The following CAMTA1 variants were observed in gnomAD, a reference collection of about 807,000 sequenced individuals.
The protein encoded by CAMTA1 is calmodulin-binding transcription activator 1.
Under a neutral mutation model 170.9 loss-of-function variants are expected in CAMTA1, and 27 were observed. The ratio of observed to expected loss-of-function variants is 0.16; its 90% CI spans 0.12 to 0.22. The LOEUF is 0.22. Among genes scored for constraint, CAMTA1 ranks in the 10% least tolerant of loss-of-function variants. The pLI, the probability that CAMTA1 is intolerant of heterozygous loss-of-function variation, is 1.00. For missense variants in CAMTA1, 1,619 were observed against 2,217.2 expected (o/e 0.73, Z 5.42); for synonymous variants, 833 against 891.5 (o/e 0.93, Z 1.17).
intron 5 of CAMTA1, among the ~76,000 whole-genome samples, chr1:7,310,683 TCTCTCTCTCTCTC>T (rs1676501070): frequency 4.9e-5 from 2 of 41,064 alleles, no homozygotes; most frequent in Non-Finnish European, 4.4e-5. Context: ...TTTCTTTCTC[TCTCTCTCTCTCTC>T]TCTCTCTTTC....
intron 6 of CAMTA1, among the ~76,000 whole-genome samples, chr1:7,544,257 T>G (rs2094656931): frequency 6.6e-6 from 1 of 152,058 alleles, no homozygotes; most frequent in Admixed American, 6.5e-5. Flanking sequence ...GATAAACCTA[T>G]CAGATTTCAT....
intron 3 of CAMTA1, among the ~76,000 whole-genome samples, chr1:6,933,071 T>C (rs1257179696): frequency 2.7e-5 from 4 of 147,870 alleles, no homozygotes; most frequent in African/African-American, 1.0e-4. Context: ...AATCATCATC[T>C]TTTTTTTTTA....
In CAMTA1 at chr1:7,732,016, C is replaced by CTTTTTT. The variant is rs77932760; in HGVS notation, c.2915-424_2915-419dup. On this transcript the variant is annotated intron_variant, in intron 11 of 22. Coordinates refer to ENST00000303635, the MANE Select transcript of CAMTA1 (RefSeq NM_015215.4). The surrounding 1 kb of genome is among the most constrained non-coding windows in gnomAD (Gnocchi z 4.1). Reference sequence around the variant, plus strand: ...AGTGTTTTGGTAAAAGATATACTACCTTTTTTTTTTTTTGTCTAACATACC... The same window carrying CTTTTTT: ...AGTGTTTTGGTAAAAGATATACTACCTTTTTTTTTTTTTTTTTTTGTCTAACATACC... Among the ~76,000 whole-genome samples the CTTTTTT allele has an allele frequency of 7.0e-6, 1 of 143,326 alleles. No homozygotes were observed. The highest frequency in any genetic ancestry group is 1.5e-5 in the Non-Finnish European group (1 of 65,740). The allele number at this position is 143,326 out of a possible 152,430, so 94.0% of individuals were successfully genotyped here.
At chr1:7,243,402 G>T (rs1039213275) in intron 4 of CAMTA1, among the ~76,000 whole-genome samples, 10 of 152,146 alleles carry the variant, frequency 6.6e-5, no homozygotes, top group African/African-American at 2.2e-4. Flanking sequence ...ATTAATTTTT[G>T]TATAAGGTGT....
intron 5 of CAMTA1, among the ~76,000 whole-genome samples, chr1:7,407,416 C>G (rs926207801): frequency 6.6e-6 from 1 of 152,196 alleles, no homozygotes; most frequent in African/African-American, 2.4e-5. Context: ...GGGCCCTGCT[C>G]TGTGGGGCCC....
chr1:7,170,060 ATTC>A (rs1649285903), intron 4 of CAMTA1, among the ~76,000 whole-genome samples: 1 of 152,072 alleles, frequency 6.6e-6, no homozygotes, highest in Non-Finnish European at 1.5e-5. Flanking sequence ...CCTACTTTCT[ATTC>A]TTTGAATTTA....
intron 11 of CAMTA1, among the ~76,000 whole-genome samples, chr1:7,713,278 A>G (rs546333566): frequency 6.6e-6 from 1 of 152,202 alleles, no homozygotes; most frequent in Non-Finnish European, 1.5e-5. Flanking sequence ...AGGATGGAGT[A>G]GCACCTGAGC....
At chr1:7,542,838 AGTGTGTGT>A (rs373719721) in intron 6 of CAMTA1, among the ~76,000 whole-genome samples, 58 of 56,018 alleles carry the variant, frequency 1.0e-3, no homozygotes, top group East Asian at 3.1e-3. Context: ...CCTAAAACAC[AGTGTGTGT>A]GTGTGTGTGT....
rs147906131 is a variant in CAMTA1, at chr1:6,826,459, A to G, written c.234+1249A>G. 4.5e-3 allele frequency among the ~76,000 whole-genome samples: 687 copies of G among 152,368 alleles called. 8 individuals are homozygous for G. The highest frequency in any genetic ancestry group is 0.016 in the African/African-American group (668 of 41,580). ...TGAAAATGAAGTAGATATGCTTAAA[A>G]TTAGTCTTAATCATAGTTTGTTACT... On this transcript the variant is annotated intron_variant, in intron 3 of 22. Transcript: ENST00000303635.
chr1:7,763,073 C>T (rs1331612999), intron 22 of CAMTA1, among the ~76,000 whole-genome samples: 1 of 152,112 alleles, frequency 6.6e-6, no homozygotes, highest in Non-Finnish European at 1.5e-5. Context: ...GACTCAATTC[C>T]CTGTTCTGCC....
chr1:7,133,189 A>G (rs1475402883), intron 4 of CAMTA1, among the ~76,000 whole-genome samples: 1 of 152,186 alleles, frequency 6.6e-6, no homozygotes, highest in African/African-American at 2.4e-5. Flanking sequence ...GGTAGCATTC[A>G]TCAGTGAAAT....
At chr1:7,505,344 G>A (rs2094085973) in intron 6 of CAMTA1, among the ~76,000 whole-genome samples, 1 of 152,178 alleles carries the variant, frequency 6.6e-6, no homozygotes, top group African/African-American at 2.4e-5. Flanking sequence ...CGGTCACTGA[G>A]TTTAGGGCCT....
intron 4 of CAMTA1, among the ~76,000 whole-genome samples, chr1:7,214,863 T>C (rs905841629): frequency 3.6e-5 from 3 of 82,308 alleles, no homozygotes; most frequent in Non-Finnish European, 7.1e-5. Flanking sequence ...TTCTTTCTTT[T>C]TTTTTTTTTT....
chr1:7,647,866 T>C (rs1331603500), intron 7 of CAMTA1, among the ~76,000 whole-genome samples: 1 of 152,178 alleles, frequency 6.6e-6, no homozygotes, highest in Non-Finnish European at 1.5e-5. Flanking sequence ...GGAGGGTTAC[T>C]TGAGCCCAGG....
chr1:7,368,444 G>A lies in CAMTA1; in HGVS notation c.439-99386G>A, dbSNP rs2086188125. ...GGCACTGGGCACTCATGGTTTCATT[G>A]GGCGCAGGCACTGGGCACTCATGGT... On this transcript the variant is annotated intron_variant, in intron 5 of 22. Coordinates refer to ENST00000303635, the MANE Select transcript of CAMTA1 (RefSeq NM_015215.4). Among the ~76,000 whole-genome samples, 3 of 152,276 alleles carry A rather than the reference G, an allele frequency of 2.0e-5. No individual in the cohort carries two copies. The South Asian group carries it at 6.2e-4, about 32-fold the overall frequency.
intron 4 of CAMTA1, among the ~76,000 whole-genome samples, chr1:7,135,063 C>T (rs190498732): frequency 1.3e-5 from 2 of 152,238 alleles, no homozygotes; most frequent in Admixed American, 1.3e-4. Flanking sequence ...TGAGATCCTA[C>T]CTCACACCAA....
At chr1:7,176,212 C>T (rs1182430902) in intron 4 of CAMTA1, among the ~76,000 whole-genome samples, 1 of 152,214 alleles carries the variant, frequency 6.6e-6, no homozygotes, top group African/African-American at 2.4e-5. Context: ...AGTTTTGCAA[C>T]AAGGACTCTC....
At chr1:7,086,998 C>A (rs1640831490) in intron 3 of CAMTA1, among the ~76,000 whole-genome samples, 1 of 152,244 alleles carries the variant, frequency 6.6e-6, no homozygotes, top group Non-Finnish European at 1.5e-5. Context: ...GGGGAAGGAA[C>A]ATGCACGCCC....
At chr1:6,895,621 T>TC (rs1675471101) in intron 3 of CAMTA1, among the ~76,000 whole-genome samples, 1 of 152,264 alleles carries the variant, frequency 6.6e-6, no homozygotes, top group Non-Finnish European at 1.5e-5. Context: ...AGGTGCCTCT[T>TC]CCCTCTAAGC....
Sources: gnomAD v4.1 joint callset for allele counts (sites outside exome capture counted in the v4.1 genomes callset) on GRCh38, gnomAD v4.1.1 for gene constraint, Gnocchi (gnomAD v3.1) non-coding constraint, MANE v1.5 for transcripts, NCBI Gene and HGNC (gene_info 2026-07-23, HGNC 2026-07-21) for gene names.